The following AKAP6 variants were observed in gnomAD, a reference collection of about 807,000 sequenced individuals.
AKAP6 encodes the protein A-kinase anchoring protein 6.
A neutral mutation model predicts 188.5 loss-of-function variants in AKAP6; 58 were observed. The observed-to-expected ratio is 0.31, with a 90% CI of 0.25 to 0.38. The LOEUF is 0.38. Among genes scored for constraint, AKAP6 ranks in the 10% least tolerant of loss-of-function variants. AKAP6 has a pLI of 1.00. For missense variants in AKAP6, 2,710 were observed against 2,740.0 expected (o/e 0.99, Z 0.24); for synonymous variants, 989 against 998.6 (o/e 0.99, Z 0.18).
chr14:32,702,766 A>G (rs926570952), intron 9 of AKAP6, among the ~76,000 whole-genome samples: 2 of 152,100 alleles, frequency 1.3e-5, no homozygotes, highest in Admixed American at 6.6e-5. Flanking sequence ...GAGTGGATCA[A>G]ACGAGCCGTG....
At chr14:32,591,749 T>C (rs1231577392) in intron 5 of AKAP6, among the ~76,000 whole-genome samples, 2 of 152,186 alleles carry the variant, frequency 1.3e-5, no homozygotes, top group Non-Finnish European at 2.9e-5. Flanking sequence ...AGTTCTTTTA[T>C]TTTTTAAAGC....
intron 7 of AKAP6, among the ~76,000 whole-genome samples, chr14:32,615,879 C>T (rs1368487500): frequency 6.6e-6 from 1 of 152,094 alleles, no homozygotes; most frequent in Non-Finnish European, 1.5e-5. Flanking sequence ...CAGGCGTGAG[C>T]CACCGCGCCC....
rs1412534498 is a variant in AKAP6 at position 32,546,697 on chromosome 14, C to G, written c.2044C>G (p.Pro682Ala). 6.2e-7 allele frequency: 1 copy of G among 1,614,086 alleles called. No homozygotes were observed. The highest frequency in any genetic ancestry group is 1.3e-5 in the African/African-American group (1 of 75,020). Residue 682 changes from proline (P) to alanine (A), a missense_variant, in exon 4 of 14, where the codon CCA becomes GCA. Physicochemically the swap from Pro to Ala is conservative, Grantham distance 27 (BLOSUM62 -1). Transcript: ENST00000280979. The stretch of plus-strand genomic sequence containing the variant: ...AATGAATTCAGATTCTGAAATCTAT[C>G]CAACCTATCATGTCAAAAAGAAGCA... ...SEMNSDSEIYPTYHVKKKHTR... is the reference protein window; with the variant it reads ...SEMNSDSEIYATYHVKKKHTR...
chr14:32,763,605 A>G (rs2032609660), intron 11 of AKAP6, among the ~76,000 whole-genome samples: 1 of 152,166 alleles, frequency 6.6e-6, no homozygotes. Context: ...GGCTTTTAAA[A>G]AACAATATTT....
intron 1 of AKAP6, among the ~76,000 whole-genome samples, chr14:32,431,022 G>C (rs1330340581): frequency 6.6e-6 from 1 of 151,824 alleles, no homozygotes; most frequent in Non-Finnish European, 1.5e-5. Flanking sequence ...GGAGAATGGC[G>C]TGAACCCGGG....
intron 1 of AKAP6, among the ~76,000 whole-genome samples, chr14:32,422,579 T>C (rs574284068): frequency 1.3e-5 from 2 of 152,284 alleles, no homozygotes; most frequent in Admixed American, 6.5e-5. Context: ...ATAGTTTTTA[T>C]TGGGGCTTCA....
chr14:32,449,497 G>T (rs1890863769), intron 2 of AKAP6, among the ~76,000 whole-genome samples: 1 of 146,934 alleles, frequency 6.8e-6, no homozygotes, highest in Non-Finnish European at 1.5e-5. Flanking sequence ...ACTCCAGCCT[G>T]GGCAATGGAG....
At chr14:32,735,446 C>T (rs891687912) in intron 10 of AKAP6, among the ~76,000 whole-genome samples, 4 of 151,958 alleles carry the variant, frequency 2.6e-5, no homozygotes, top group African/African-American at 9.7e-5. Flanking sequence ...ACTGAGAATT[C>T]GAATACTAAA....
intron 9 of AKAP6, among the ~76,000 whole-genome samples, chr14:32,704,991 T>C (rs1285019655): frequency 3.3e-5 from 5 of 152,328 alleles, no homozygotes; most frequent in South Asian, 4.1e-4. Flanking sequence ...AAAGAAGTCC[T>C]GGTACCTGTT....
intron 9 of AKAP6, among the ~76,000 whole-genome samples, chr14:32,715,936 A>C (rs1409822269): frequency 2.0e-5 from 3 of 151,840 alleles, no homozygotes; most frequent in Non-Finnish European, 4.4e-5. Context: ...ATTTTGAACA[A>C]ACATTTGTAT....
chr14:32,431,801 AC>A (rs1438994780), intron 1 of AKAP6, among the ~76,000 whole-genome samples: 2 of 152,238 alleles, frequency 1.3e-5, no homozygotes, highest in Non-Finnish European at 2.9e-5. Context: ...GGCGTGAGCC[AC>A]CACGTCTGGC....
intron 2 of AKAP6, among the ~76,000 whole-genome samples, chr14:32,452,907 A>C (rs1249317861): frequency 6.6e-6 from 1 of 152,330 alleles, no homozygotes; most frequent in East Asian, 1.9e-4. Flanking sequence ...ACATGTAAAT[A>C]CTTTTAAAAA....
At chr14:32,478,973 G>A (rs1594657371) in intron 2 of AKAP6, among the ~76,000 whole-genome samples, 1 of 152,152 alleles carries the variant, frequency 6.6e-6, no homozygotes, top group Non-Finnish European at 1.5e-5. Flanking sequence ...ATTTTGGGGG[G>A]AGAGGAGATG....
At chr14:32,554,965 C>G (rs942243110) in intron 4 of AKAP6, among the ~76,000 whole-genome samples, 2 of 152,200 alleles carry the variant, frequency 1.3e-5, no homozygotes, top group Non-Finnish European at 1.5e-5. Context: ...CATAGCTGAG[C>G]CTGTTTGTCC....
intron 8 of AKAP6, among the ~76,000 whole-genome samples, chr14:32,680,154 A>C (rs546022770): frequency 6.6e-6 from 1 of 152,166 alleles, no homozygotes; most frequent in African/African-American, 2.4e-5. Flanking sequence ...GTGAAGTGGG[A>C]GTAGGTGAAC....
chr14:32,749,481 A>G (rs1177982542), intron 11 of AKAP6, among the ~76,000 whole-genome samples: 1 of 152,196 alleles, frequency 6.6e-6, no homozygotes, highest in Non-Finnish European at 1.5e-5. Flanking sequence ...ACACGGTAGC[A>G]GTCTTTCTCT....
At chr14:32,642,884 AAAGTAT>A (rs1191819556) in intron 7 of AKAP6, among the ~76,000 whole-genome samples, 1 of 152,212 alleles carries the variant, frequency 6.6e-6, no homozygotes, top group African/African-American at 2.4e-5. Context: ...AAGCACAGTT[AAAGTAT>A]ATCAGTATTA....
intron 1 of AKAP6, among the ~76,000 whole-genome samples, chr14:32,335,550 G>T (rs1326790607): frequency 1.3e-5 from 2 of 152,146 alleles, no homozygotes; most frequent in African/African-American, 4.8e-5. Flanking sequence ...GGCATGCAAA[G>T]GAACTCAGTG....
At chr14:32,348,370 A>T (rs1409950788) in intron 1 of AKAP6, among the ~76,000 whole-genome samples, 1 of 151,734 alleles carries the variant, frequency 6.6e-6, no homozygotes, top group Non-Finnish European at 1.5e-5. Flanking sequence ...ATACTGAAGA[A>T]CTCAAAAGAC....
Sources: allele counts gnomAD v4.1 joint callset (sites outside exome capture counted in the v4.1 genomes callset), GRCh38; gene constraint gnomAD v4.1.1; transcripts MANE v1.5; gene names NCBI Gene and HGNC (gene_info 2026-07-23, HGNC 2026-07-21).